The following ZNF629 variants were observed in gnomAD, a reference collection of about 807,000 sequenced individuals.
The protein encoded by ZNF629 is DNA-binding protein.
Under a neutral mutation model 59.7 loss-of-function variants are expected in ZNF629, and 9 were observed. The ratio of observed to expected loss-of-function variants is 0.15; its 90% confidence interval spans 0.09 to 0.26. The LOEUF is 0.26. Ranked by LOEUF, ZNF629 falls within the 10% of genes least tolerant of loss-of-function variation. ZNF629 has a pLI of 1.00. For synonymous variants in ZNF629, 509 were observed against 498.9 expected, an observed-to-expected ratio of 1.02 and a Z score of -0.27; for missense variants, 853 against 1,165.4, an observed-to-expected ratio of 0.73 and a Z score of 3.90.
rs142511249 is a variant in ZNF629 at position 30,783,604 on chromosome 16, C to A, written c.724G>T (p.Ala242Ser). The change falls in exon 3 of 3, where the codon GCC becomes TCC. Residue 242 changes from alanine (A) to serine (S), a missense_variant. Coordinates refer to ENST00000262525, the MANE Select transcript of ZNF629 (RefSeq NM_001080417.3). ...ATGAGGTTGGTGCTCTGGGTGAAGG[C>A]TTTCTCGCACTCCGTGCACTTGTAG... is the stretch of plus-strand genomic sequence containing the variant. ...KPYKCTECEK[A>S]FTQSTNLIKH... 6.2e-7 allele frequency: 1 copy of A among 1,609,154 alleles called. No individual in the cohort carries two copies. The highest frequency in any genetic ancestry group is 8.5e-7 in the Non-Finnish European group (1 of 1,178,292).
rs1182519409 is a variant in ZNF629, at chr16:30,786,751, TC to T, written c.-34+276del. Among the ~76,000 whole-genome samples, 1 of 149,604 alleles carries T rather than the reference TC, an allele frequency of 6.7e-6. No homozygotes were observed. Among genetic ancestry groups the T allele is most frequent in the South Asian group, 2.1e-4 (1 of 4,746 alleles). On this transcript the variant is annotated intron_variant, in intron 1 of 2. Coordinates refer to ENST00000262525, the MANE Select transcript of ZNF629 (RefSeq NM_001080417.3). The surrounding 1 kb of genome is among the most constrained non-coding windows in gnomAD (Gnocchi z 4.8). Reference sequence around the variant, plus strand: ...CCGGCTCCTTCCAGCACTGCCAGGCTCCTCCAGGGCTGCGCTGGCAGCGCTG... The same window carrying T: ...CCGGCTCCTTCCAGCACTGCCAGGCTCTCCAGGGCTGCGCTGGCAGCGCTG...
rs770292596 is a variant in ZNF629 at position 30,784,124 on chromosome 16, C to T, written c.204G>A (p.Gln68=). 1 of 1,608,966 alleles carries T rather than the reference C, an allele frequency of 6.2e-7. No individual in the cohort carries two copies. The highest frequency in any genetic ancestry group is 8.5e-7 in the Non-Finnish European group (1 of 1,179,004). Residue 68 remains glutamine, a synonymous_variant, in exon 3 of 3, where the codon CAG becomes CAA. Coordinates refer to ENST00000262525, the MANE Select transcript of ZNF629 (RefSeq NM_001080417.3). The part of the protein sequence containing the change: ...STEMSLERSS[Q]DPSVPQNPPT... ...GGGGGTTCTGGGGGACAGAGGGGTCCTGGGAGGATCTCTCCAGGGACATCT... is the reference window on the plus strand; with the variant it reads ...GGGGGTTCTGGGGGACAGAGGGGTCTTGGGAGGATCTCTCCAGGGACATCT...
chr16:30,786,420 G>C lies in ZNF629; in HGVS notation c.-34+608C>G, dbSNP rs371548207. 3.7e-3 allele frequency among the ~76,000 whole-genome samples: 557 copies of C among 152,272 alleles called. 7 individuals are homozygous for C. The highest frequency in any genetic ancestry group is 0.012 in the African/African-American group (518 of 41,552). On this transcript the variant is annotated intron_variant, in intron 1 of 2. Transcript: ENST00000262525. The surrounding 1 kb of genome is among the most constrained non-coding windows in gnomAD (Gnocchi z 4.8). ...AGTAGGAGGGAAAGGGTTAATGACAGGGCCGACACAGAGCATGGACGTGGG... is the reference window on the plus strand; with the variant it reads ...AGTAGGAGGGAAAGGGTTAATGACACGGCCGACACAGAGCATGGACGTGGG...
rs1400040464 is a variant in ZNF629 at position 30,781,817 on chromosome 16, C to T, written c.2511G>A (p.Val837=). ...CGGGGCACAGATAGGGCTTTTCTTC[C>T]ACTAGGGTTTTGGGGTTTTGCCCTT... The part of the protein sequence containing the change: ...HGEGQNPKTL[V]EEKPYLCPEC... The change falls in exon 3 of 3, where the codon GTG becomes GTA. Residue 837 remains valine (V), a synonymous_variant. Transcript: ENST00000262525. 5.0e-6 allele frequency: 8 copies of T among 1,607,852 alleles called. No homozygotes were observed. Among genetic ancestry groups the T allele is most frequent in the African/African-American group, 1.3e-5 (1 of 74,566 alleles).
intron 1 of ZNF629, among the ~76,000 whole-genome samples, 176 bp from the exon 2 acceptor site, chr16:30,784,691 G>A (rs1363808161): frequency 6.6e-6 from 1 of 152,150 alleles, no homozygotes; most frequent in East Asian, 1.9e-4. Context: ...TCCCCTGCAG[G>A]CCTGATTCTC....
At position 30,784,009 on chromosome 16, in the gene ZNF629, TC is replaced by T; in HGVS notation, c.318del (p.Trp106Ter). Reference sequence around the variant, plus strand: ...TGCCAGCTGGCCTCGCAGGCCTTGGTCCAGTCAGATGGGGTAGGGACTACCT... The same window carrying T: ...TGCCAGCTGGCCTCGCAGGCCTTGGTCAGTCAGATGGGGTAGGGACTACCT... Reference protein sequence around the residue: ...APEVVPTPSDWTKACEASWQW... With the variant: ...APEVVPTPSDXTKACEASWQW... On this transcript the variant is annotated frameshift_variant, in exon 3 of 3. Transcript: ENST00000262525. LOFTEE classifies it high-confidence loss of function. 1 of 1,574,428 alleles carries T rather than the reference TC, an allele frequency of 6.4e-7. No homozygotes were observed. The highest frequency in any genetic ancestry group is 8.6e-7 in the Non-Finnish European group (1 of 1,161,062).
intron 2 of ZNF629, 39 bp downstream of exon 2, chr16:30,784,371 C>T (rs375932113): frequency 2.8e-5 from 43 of 1,547,102 alleles, no homozygotes; most frequent in Middle Eastern, 1.7e-4. Context: ...CCGGGACCAC[C>T]GTCTTGCCGG....
chr16:30,782,362 G>A lies in ZNF629; in HGVS notation c.1966C>T (p.Leu656=). ...CAGATGTAGGTCTTGGAGGACAGCA[G>A]CCCCCGCCTCTGGCTGAAGCCCTCC... ...GQEGFSQRRG[L]LSSKTYICSH... is the part of the protein sequence containing the mutation. The change falls in exon 3 of 3, where the codon CTG becomes TTG. Residue 656 remains leucine (L), a synonymous_variant. Transcript: ENST00000262525. 2 of 1,572,866 alleles carry A rather than the reference G, an allele frequency of 1.3e-6. No homozygotes were observed. The highest frequency in any genetic ancestry group is 8.6e-7 in the Non-Finnish European group (1 of 1,157,790).
chr16:30,780,884 G>T lies in ZNF629; in HGVS notation c.*834C>A, dbSNP rs754368931. On this transcript the variant is annotated 3_prime_UTR_variant, in exon 3 of 3. Transcript: ENST00000262525. ...CCCCTGCTTCCCCCTAATTTTTGTG[G>T]TGGTTTCTCAGTATTCTTATACTGA... 2 of 152,132 alleles carry T rather than the reference G, an allele frequency of 1.3e-5. No homozygotes were observed. The highest frequency in any genetic ancestry group is 4.8e-5 in the African/African-American group (2 of 41,416). The allele number at this position is 152,132 out of a possible 1,614,324, so 9.4% of individuals were successfully genotyped here.
Position 30,782,606 on chromosome 16 carries a change from G to T in ZNF629, c.1722C>A (p.Cys574Ter). Residue 574 changes from cysteine to a stop codon, truncating the protein, a stop_gained, in exon 3 of 3, where the codon TGC (cysteine) becomes TGA (stop). Transcript: ENST00000262525. LOFTEE classifies it high-confidence loss of function. ...PGAKPHKCLV[C>*]GKGFNDEGIF... ...TGCCCTCGTCGTTGAAGCCCTTTCC[G>T]CACACGAGACACTTGTGCGGCTTGG... 1 of 1,564,610 alleles carries T rather than the reference G, an allele frequency of 6.4e-7. No individual in the cohort carries two copies. The highest frequency in any genetic ancestry group is 8.7e-7 in the Non-Finnish European group (1 of 1,154,118).
Position 30,783,934 on chromosome 16 carries a change from C to T in ZNF629, c.394G>A (p.Glu132Lys). 1.9e-6 allele frequency: 3 copies of T among 1,592,260 alleles called. No homozygotes were observed. Among genetic ancestry groups the T allele is most frequent in the South Asian group, 1.1e-5 (1 of 88,388 alleles). ...TGCACCAGCTCCCGCAGGCTGGGCT[C>T]GTTGGCGGGGACGACTGGGGGGCTG... The part of the protein sequence containing the change: ...WNSPPVVPAN[E>K]PSLRELVQGR... Residue 132 changes from glutamate (E) to lysine (K), a missense_variant, in exon 3 of 3, where the codon GAG becomes AAG. Transcript: ENST00000262525.
Position 30,782,860 on chromosome 16 carries a change from C to T in ZNF629, c.1468G>A (p.Glu490Lys). The stretch of plus-strand genomic sequence containing the variant: ...CTCTGGCTGAAGCTCTTGCCGCACT[C>T]GGGGCACTTGTAGGGCTTCTCGCCG... ...HTGEKPYKCP[E>K]CGKSFSQSSN... The change falls in exon 3 of 3, where the codon GAG becomes AAG. Residue 490 changes from glutamate to lysine, a missense_variant. Glu to Lys is a moderately conservative substitution (Grantham distance 56, BLOSUM62 1). Coordinates refer to ENST00000262525, the MANE Select transcript of ZNF629 (RefSeq NM_001080417.3). 1 of 1,614,200 alleles carries T rather than the reference C, an allele frequency of 6.2e-7. No individual in the cohort carries two copies.
chr16:30,782,933 C>T lies in ZNF629; in HGVS notation c.1395G>A (p.Lys465=). Residue 465 remains lysine (K), a synonymous_variant, in exon 3 of 3, where the codon AAG becomes AAA. Coordinates refer to ENST00000262525, the MANE Select transcript of ZNF629 (RefSeq NM_001080417.3). ...TAAGGTGGGAGCTGCGGATGAAGCT[C>T]TTGCCGCAGTCGGAACACTTGTAGG... ...EKPYKCSDCG[K]SFIRSSHLIQ... The T allele has an allele frequency of 6.2e-7, 1 of 1,613,664 alleles. No individual in the cohort carries two copies. Among genetic ancestry groups the T allele is most frequent in the African/African-American group, 1.3e-5 (1 of 74,806 alleles).
chr16:30,782,720 A>G lies in ZNF629; in HGVS notation c.1608T>C (p.His536=), dbSNP rs201357247. ...AHELEQHRVI[H]ERGKTPARRA... ...TACGCGCTGGGGTCTTCCCCCTCTC[A>G]TGGATCACCCGGTGCTGCTCCAGCT... The change falls in exon 3 of 3, where the codon CAT becomes CAC. Residue 536 remains histidine, a synonymous_variant. Coordinates refer to ENST00000262525, the MANE Select transcript of ZNF629 (RefSeq NM_001080417.3). The G allele has an allele frequency of 1.3e-4, 206 of 1,612,922 alleles. 1 individual carries two copies. The African/African-American group carries it at 1.8e-3, about 14-fold the overall frequency.
intron 1 of ZNF629, among the ~76,000 whole-genome samples, chr16:30,784,750 G>C (rs532055457): frequency 6.6e-6 from 1 of 152,230 alleles, no homozygotes; most frequent in African/African-American, 2.4e-5. Flanking sequence ...ATTTAAGAGC[G>C]TAATTAAAAA....
chr16:30,783,134 G>A lies in ZNF629; in HGVS notation c.1194C>T (p.Gly398=), dbSNP rs2054299474. The change falls in exon 3 of 3, where the codon GGC becomes GGT. Residue 398 remains glycine (G), a synonymous_variant. Transcript: ENST00000262525. ...ACTCTGGGCACTTGTAGGGCCGCTC[G>A]CCCGTGTGCGTGCGCTGGTGCCGCA... ...TLLRHQRTHT[G]ERPYKCPECG... 1 of 1,613,508 alleles carries A rather than the reference G, an allele frequency of 6.2e-7. No homozygotes were observed. Among genetic ancestry groups the A allele is most frequent in the African/African-American group, 1.3e-5 (1 of 74,870 alleles).
chr16:30,784,632 T>G, intron 1 of ZNF629, 117 bp from the exon 2 acceptor site: 1 of 779,680 alleles, frequency 1.3e-6, no homozygotes. Context: ...TGAACTTCAG[T>G]GTCCTCCCAC....
At position 30,783,050 on chromosome 16, in the gene ZNF629, G is replaced by A. The variant is rs2054298489; in HGVS notation, c.1278C>T (p.Gly426=). ...AGTCGGCGCAGATGTAGGGCCGCTC[G>A]CCGCGGTGGATGCGCTGGTGGTTGA... ...NLINHQRIHR[G]ERPYICADCG... Residue 426 remains glycine, a synonymous_variant, in exon 3 of 3, where the codon GGC becomes GGT. Transcript: ENST00000262525. The A allele has an allele frequency of 5.0e-6, 8 of 1,614,006 alleles. No homozygotes were observed. Among genetic ancestry groups the A allele is most frequent in the Non-Finnish European group, 6.8e-6 (8 of 1,179,980 alleles).
chr16:30,785,455 G>A (rs1490335750), intron 1 of ZNF629, among the ~76,000 whole-genome samples: 2 of 152,174 alleles, frequency 1.3e-5, no homozygotes, highest in African/African-American at 4.8e-5. Flanking sequence ...TGGGAGGCTG[G>A]CAGGAGACAG....
Sources: allele counts gnomAD v4.1 joint callset (sites outside exome capture counted in the v4.1 genomes callset), GRCh38; gene constraint gnomAD v4.1.1; non-coding constraint Gnocchi (gnomAD v3.1); transcripts MANE v1.5; gene names NCBI Gene and HGNC (gene_info 2026-07-23, HGNC 2026-07-21).